The following SPAG9 variants were observed in gnomAD, a reference collection of about 807,000 sequenced individuals.
SPAG9 encodes C-Jun-amino-terminal kinase-interacting protein 4.
SPAG9 carries 35 observed loss-of-function variants against 166.5 expected under a neutral mutation model. That is an observed-to-expected ratio of 0.21 (90% CI 0.16 to 0.28). The LOEUF is 0.28. SPAG9 is among the 10% of genes least tolerant of loss of function. SPAG9 has a pLI of 1.00. For missense variants in SPAG9, 1,235 were observed against 1,603.3 expected (o/e 0.77, Z 3.92); for synonymous variants, 534 against 565.5 (o/e 0.94, Z 0.79).
intron 3 of SPAG9, among the ~76,000 whole-genome samples, chr17:51,048,194 A>G (rs1389582244): frequency 1.3e-5 from 2 of 152,096 alleles, no homozygotes; most frequent in African/African-American, 4.8e-5. Flanking sequence ...CTTCAAGAAT[A>G]TAAAGTACAT....
At chr17:51,020,883 T>C (rs1274371143) in intron 7 of SPAG9, among the ~76,000 whole-genome samples, 1 of 152,212 alleles carries the variant, frequency 6.6e-6, no homozygotes, top group African/African-American at 2.4e-5. Context: ...TAATACCTAA[T>C]ACAATGTAAA....
chr17:51,013,016 C>A (rs773658073), intron 9 of SPAG9, among the ~76,000 whole-genome samples: 1 of 152,116 alleles, frequency 6.6e-6, no homozygotes, highest in Non-Finnish European at 1.5e-5. Flanking sequence ...CAGGCGTGAG[C>A]CACTGCAACC....
chr17:51,077,033 T>TATCTAGCTAGCTAG (rs1568065402), intron 2 of SPAG9, among the ~76,000 whole-genome samples: 5 of 94,484 alleles, frequency 5.3e-5, no homozygotes, highest in East Asian at 5.7e-4. Flanking sequence ...TAGCTATCTA[T>TATCTAGCTAGCTAG]CTAGCTATCT....
At chr17:51,062,284 C>A (rs2047539188) in intron 2 of SPAG9, among the ~76,000 whole-genome samples, 1 of 152,202 alleles carries the variant, frequency 6.6e-6, no homozygotes, top group Admixed American at 6.5e-5. Flanking sequence ...ACATGCTTAT[C>A]ACCCAAAATA....
chr17:51,032,200 C>T (rs1250400605), intron 5 of SPAG9, among the ~76,000 whole-genome samples: 1 of 152,246 alleles, frequency 6.6e-6, no homozygotes, highest in South Asian at 2.1e-4. Context: ...TCACTCCTGT[C>T]GTCCAGGCTG....
At position 51,096,262 on chromosome 17, in the gene SPAG9, T is replaced by C. The variant is rs1374472143; in HGVS notation, c.304-16558A>G. 2.0e-5 allele frequency among the ~76,000 whole-genome samples: 3 copies of C among 151,118 alleles called. No individual in the cohort carries two copies. The East Asian group carries it at 5.8e-4, about 29-fold the overall frequency. ...TACTTGGGAGGCTGAGGCAGCAGAATTGCTTGAACCCAGGAGGCGGAGGTT... is the reference window on the plus strand; with the variant it reads ...TACTTGGGAGGCTGAGGCAGCAGAACTGCTTGAACCCAGGAGGCGGAGGTT... On this transcript the variant is annotated intron_variant, in intron 1 of 29. Transcript: ENST00000262013.
intron 2 of SPAG9, among the ~76,000 whole-genome samples, chr17:51,064,552 A>G (rs1486712347): frequency 2.0e-5 from 3 of 152,244 alleles, no homozygotes; most frequent in African/African-American, 7.2e-5. Flanking sequence ...ATGCTACAAC[A>G]TGAATGAACC....
In SPAG9 at chr17:51,104,914, C is replaced by T. The variant is rs530722544; in HGVS notation, c.303+15440G>A. Among the ~76,000 whole-genome samples, 310 of 126,068 alleles carry T rather than the reference C, an allele frequency of 2.5e-3. 1 individual carries two copies. The highest frequency in any genetic ancestry group is 9.4e-3 in the African/African-American group (300 of 32,082). 82.7% of individuals were successfully genotyped at this position (126,068 alleles called of 152,430 possible). On this transcript the variant is annotated intron_variant, in intron 1 of 29. Transcript: ENST00000262013. ...CGCCACTGCACTCCAGCCTGGGCGA[C>T]AGAGCGAGACTCCGTCTCAAAAAAA...
At position 50,998,117 on chromosome 17, in the gene SPAG9, C is replaced by T. The variant is rs534012660; in HGVS notation, c.1838+327G>A. Among the ~76,000 whole-genome samples the T allele has an allele frequency of 3.1e-3, 469 of 150,410 alleles. 1 individual carries two copies. Among genetic ancestry groups the T allele is most frequent in the African/African-American group, 0.011 (445 of 40,898 alleles). Reference sequence around the variant, plus strand: ...GCATGATCTCGGCTCACTGCAACCCCGCCTCCTGGGTTCAAGCGATTCTTC... The same window carrying T: ...GCATGATCTCGGCTCACTGCAACCCTGCCTCCTGGGTTCAAGCGATTCTTC... On this transcript the variant is annotated intron_variant, in intron 15 of 29. Transcript: ENST00000262013.
intron 8 of SPAG9, among the ~76,000 whole-genome samples, chr17:51,018,406 A>G (rs561151237): frequency 4.6e-5 from 7 of 152,226 alleles, no homozygotes; most frequent in African/African-American, 9.6e-5. Context: ...TCCTACCACT[A>G]AACAGCCTTC....
At chr17:51,009,877 A>G (rs993006108) in intron 9 of SPAG9, among the ~76,000 whole-genome samples, 2 of 152,192 alleles carry the variant, frequency 1.3e-5, no homozygotes, top group Non-Finnish European at 2.9e-5. Context: ...ATGAAGAGTT[A>G]TCTTAATATA....
At chr17:51,015,455 G>GA (rs1568000563) in intron 8 of SPAG9, among the ~76,000 whole-genome samples, 4 of 152,124 alleles carry the variant, frequency 2.6e-5, no homozygotes, top group African/African-American at 9.7e-5. Context: ...TTATAGGCAG[G>GA]AAAGTGGAGA....
At chr17:50,978,007 C>T (rs1473489072) in intron 26 of SPAG9, among the ~76,000 whole-genome samples, 1 of 152,162 alleles carries the variant, frequency 6.6e-6, no homozygotes, top group Non-Finnish European at 1.5e-5. Flanking sequence ...ATACTTTTCC[C>T]CTCATTTATA....
In SPAG9 at chr17:51,031,679, A is replaced by G; in HGVS notation, c.783+2T>C. On this transcript the variant is annotated splice_donor_variant, in intron 6 of 29. Coordinates refer to ENST00000262013, the MANE Select transcript of SPAG9 (RefSeq NM_001130528.3). LOFTEE classifies it high-confidence loss of function. ...CAAAATGTTAAGAAGCACCATTCTC[A>G]CCTCCTGTTCTACAGCCTTCTGAGG... 1 of 1,550,308 alleles carries G rather than the reference A, an allele frequency of 6.5e-7. No homozygotes were observed. Among genetic ancestry groups the G allele is most frequent in the Non-Finnish European group, 8.7e-7 (1 of 1,145,870 alleles).
At chr17:51,072,255 A>T (rs1301769079) in intron 2 of SPAG9, among the ~76,000 whole-genome samples, 1 of 151,076 alleles carries the variant, frequency 6.6e-6, no homozygotes, top group Non-Finnish European at 1.5e-5. Flanking sequence ...TATTTTTAGT[A>T]GAGACGGAGT....
chr17:50,976,065 A>G (rs1974184631), intron 27 of SPAG9, among the ~76,000 whole-genome samples: 2 of 152,158 alleles, frequency 1.3e-5, no homozygotes, highest in African/African-American at 4.8e-5. Flanking sequence ...AGTAATACAT[A>G]AAGTTCTTCC....
chr17:50,999,461 T>C (rs1477071341), intron 14 of SPAG9, 200 bp downstream of exon 14: 16 of 1,501,884 alleles, frequency 1.1e-5, no homozygotes, highest in Non-Finnish European at 1.3e-5. Flanking sequence ...TTTTTGTCCT[T>C]GAGAAGAGCC....
At chr17:51,056,997 C>G (rs1190022749) in intron 2 of SPAG9, among the ~76,000 whole-genome samples, 1 of 151,700 alleles carries the variant, frequency 6.6e-6, no homozygotes. Context: ...CAGAGTACAA[C>G]TTCAGGATAT....
chr17:50,975,096 G>A lies in SPAG9; in HGVS notation c.3524-149C>T, dbSNP rs952685105. ...GGCAATGCCAATTCAAGACAAAGCT[G>A]GGAAAAAAAGAGATACAGCATGCTA... On this transcript the variant is annotated intron_variant, in intron 27 of 29. Coordinates refer to ENST00000262013, the MANE Select transcript of SPAG9 (RefSeq NM_001130528.3). 9.1e-6 allele frequency: 6 copies of A among 658,382 alleles called. No individual in the cohort carries two copies. In the Admixed American group the frequency reaches 1.9e-4, roughly 21 times the overall value. The allele number at this position is 658,382 out of a possible 1,614,324, so 40.8% of individuals were successfully genotyped here. A position where few individuals can be genotyped will look rare whatever the true frequency, so the allele number is the denominator to read the frequency against.
Sources: allele counts gnomAD v4.1 joint callset (sites outside exome capture counted in the v4.1 genomes callset), GRCh38; gene constraint gnomAD v4.1.1; transcripts MANE v1.5; gene names NCBI Gene and HGNC (gene_info 2026-07-23, HGNC 2026-07-21).